Variants in ARHGAP24 observed in about 807,000 individuals in gnomAD.
The protein encoded by ARHGAP24 is Rho GTPase activating protein 24, also known as rho GTPase-activating protein 24.
A neutral mutation model predicts 76.4 loss-of-function variants in ARHGAP24; 50 were observed. The ratio of observed to expected loss-of-function variants is 0.65; its 90% CI spans 0.52 to 0.83. The LOEUF is 0.83. ARHGAP24 is among the 40% of genes least tolerant of loss of function. The pLI, the probability that ARHGAP24 is intolerant of heterozygous loss-of-function variation, is 0.00. For missense variants in ARHGAP24, 930 were observed against 914.2 expected (o/e 1.02, Z -0.22); for synonymous variants, 345 against 323.3 (o/e 1.07, Z -0.72).
At chr4:85,828,033 A>T (rs1333390107) in intron 3 of ARHGAP24, 2 of 1,219,144 alleles carry the variant, frequency 1.6e-6, no homozygotes, top group Admixed American at 2.3e-5. Flanking sequence ...ATTGTTGTTG[A>T]TTGTGTTTAA....
At position 85,624,950 on chromosome 4, in the gene ARHGAP24, G is replaced by A. The variant is rs190732776; in HGVS notation, c.180+54229G>A. The stretch of plus-strand genomic sequence containing the variant: ...TTCTCATTTTTTATTGTGTCTATTT[G>A]ATTCTTCTCTCTTTTCTTCTTTATT... On this transcript the variant is annotated intron_variant, in intron 2 of 9. Coordinates refer to ENST00000395184, the MANE Select transcript of ARHGAP24 (RefSeq NM_001025616.3). Among the ~76,000 whole-genome samples the A allele has an allele frequency of 8.4e-3, 1,284 of 152,120 alleles. 18 individuals carry two copies. The highest frequency in any genetic ancestry group is 0.029 in the African/African-American group (1,215 of 41,510).
intron 2 of ARHGAP24, among the ~76,000 whole-genome samples, chr4:85,670,694 A>T (rs1295161025): frequency 6.6e-6 from 1 of 152,120 alleles, no homozygotes; most frequent in African/African-American, 2.4e-5. Context: ...TTAACTTAGG[A>T]CTACATTTGT....
rs5859999 is a variant in ARHGAP24, at chr4:85,732,694, C to CTT, written c.268+10737_268+10738dup. 3.4e-3 allele frequency among the ~76,000 whole-genome samples: 465 copies of CTT among 136,780 alleles called. 1 individual carries two copies. Among genetic ancestry groups the CTT allele is most frequent in the Non-Finnish European group, 4.2e-3 (269 of 64,510 alleles). 89.7% of individuals were successfully genotyped at this position (136,780 alleles called of 152,430 possible). A position where few individuals can be genotyped will look rare whatever the true frequency, so the allele number is the denominator to read the frequency against. ...GATTAATAAACAAAAATTCAAACTT[C>CTT]TTTTTTTTTTTTTTTTGAGACAGAG... On this transcript the variant is annotated intron_variant, in intron 3 of 9. Transcript: ENST00000395184.
chr4:85,787,584 A>G lies in ARHGAP24; in HGVS notation c.268+65612A>G, dbSNP rs9790553. Among the ~76,000 whole-genome samples the G allele has an allele frequency of 2.6e-3, 396 of 152,354 alleles. 6 individuals are homozygous for G. The highest frequency in any genetic ancestry group is 8.3e-3 in the East Asian group (43 of 5,190). ...TTGAGTTTCAAAAAAATCTAACTCCATAAGGACTCAGGGTTCAAATTTTAA... is the reference window on the plus strand; with the variant it reads ...TTGAGTTTCAAAAAAATCTAACTCCGTAAGGACTCAGGGTTCAAATTTTAA... On this transcript the variant is annotated intron_variant, in intron 3 of 9. Transcript: ENST00000395184.
At chr4:85,992,430 C>G (rs914516569) in intron 8 of ARHGAP24, among the ~76,000 whole-genome samples, 1 of 152,086 alleles carries the variant, frequency 6.6e-6, no homozygotes, top group Admixed American at 6.6e-5. Flanking sequence ...TGTTCACAAA[C>G]TCATCATGGA....
intron 2 of ARHGAP24, among the ~76,000 whole-genome samples, chr4:85,597,278 A>T (rs890399013): frequency 2.7e-4 from 41 of 152,078 alleles, no homozygotes; most frequent in African/African-American, 9.4e-4. Context: ...TTCTTCATTT[A>T]TAGGGAGTTA....
chr4:85,694,336 C>A (rs1236399281), intron 2 of ARHGAP24, among the ~76,000 whole-genome samples: 1 of 151,632 alleles, frequency 6.6e-6, no homozygotes, highest in Non-Finnish European at 1.5e-5. Flanking sequence ...TAGGTGGTGC[C>A]GGAAGAACAC....
chr4:85,884,027 A>G (rs1733414958), intron 3 of ARHGAP24, among the ~76,000 whole-genome samples: 1 of 152,206 alleles, frequency 6.6e-6, no homozygotes, highest in South Asian at 2.1e-4. Flanking sequence ...AGCTCTCTAT[A>G]TAGAATCTGG....
intron 3 of ARHGAP24, among the ~76,000 whole-genome samples, chr4:85,743,183 A>G (rs1200922416): frequency 2.6e-5 from 4 of 152,026 alleles, no homozygotes; most frequent in African/African-American, 9.7e-5. Flanking sequence ...TAAAAAAAAA[A>G]TCATGGTACT....
At chr4:85,555,950 T>A (rs945630691) in intron 1 of ARHGAP24, among the ~76,000 whole-genome samples, 1 of 152,150 alleles carries the variant, frequency 6.6e-6, no homozygotes, top group Admixed American at 6.5e-5. Context: ...ACTGAGAGTC[T>A]TTGCTCCTTT....
At chr4:85,776,172 T>C (rs1727303557) in intron 3 of ARHGAP24, among the ~76,000 whole-genome samples, 1 of 152,132 alleles carries the variant, frequency 6.6e-6, no homozygotes, top group African/African-American at 2.4e-5. Flanking sequence ...GATTTCTTAG[T>C]AAAAGCCTTC....
chr4:85,744,363 A>G (rs1725946412), intron 3 of ARHGAP24, among the ~76,000 whole-genome samples: 1 of 152,178 alleles, frequency 6.6e-6, no homozygotes. Context: ...TGAATCTATG[A>G]ATTTTTAGGA....
chr4:85,669,811 A>T (rs1027693123), intron 2 of ARHGAP24, among the ~76,000 whole-genome samples: 1 of 151,480 alleles, frequency 6.6e-6, no homozygotes, highest in Non-Finnish European at 1.5e-5. Context: ...TAATTTAGTG[A>T]ATAATTTAGT....
At chr4:85,510,397 A>G (rs1479449286) in intron 1 of ARHGAP24, among the ~76,000 whole-genome samples, 2 of 151,576 alleles carry the variant, frequency 1.3e-5, no homozygotes, top group Non-Finnish European at 1.5e-5. Context: ...TTTCCCTCCT[A>G]ATGTACCACT....
intron 3 of ARHGAP24, among the ~76,000 whole-genome samples, chr4:85,802,909 G>A (rs1444019441): frequency 6.6e-6 from 1 of 152,214 alleles, no homozygotes; most frequent in East Asian, 1.9e-4. Context: ...GTAAGTCGAG[G>A]TAGTTTCAGG....
chr4:85,744,819 A>G (rs1282672261), intron 3 of ARHGAP24, among the ~76,000 whole-genome samples: 2 of 152,218 alleles, frequency 1.3e-5, no homozygotes, highest in Non-Finnish European at 2.9e-5. Flanking sequence ...TTTTAAAAAT[A>G]TATCTTTCCC....
At chr4:85,797,284 T>G (rs949711723) in intron 3 of ARHGAP24, among the ~76,000 whole-genome samples, 2 of 152,074 alleles carry the variant, frequency 1.3e-5, no homozygotes, top group South Asian at 4.1e-4. Context: ...GCCATTCTCC[T>G]GCCTCAGCCT....
At chr4:85,894,959 T>A (rs1734058717) in intron 3 of ARHGAP24, among the ~76,000 whole-genome samples, 1 of 30,568 alleles carries the variant, frequency 3.3e-5, no homozygotes, top group Non-Finnish European at 6.7e-5. Flanking sequence ...AGACTCCCTC[T>A]CAAAAAAAAA....
At chr4:85,595,645 A>G (rs1298329866) in intron 2 of ARHGAP24, among the ~76,000 whole-genome samples, 1 of 152,120 alleles carries the variant, frequency 6.6e-6, no homozygotes, top group Non-Finnish European at 1.5e-5. Flanking sequence ...AAATACAAAT[A>G]AGACTTATGA....
Sources: allele counts gnomAD v4.1 joint callset (sites outside exome capture counted in the v4.1 genomes callset), GRCh38; gene constraint gnomAD v4.1.1; transcripts MANE v1.5; gene names NCBI Gene and HGNC (gene_info 2026-07-23, HGNC 2026-07-21).